SPATA18: variants seen among roughly 807,000 people sequenced by gnomAD.
The protein encoded by SPATA18 is mitochondria-eating protein.
A neutral mutation model predicts 68.1 loss-of-function variants in SPATA18; 54 were observed. The observed-to-expected ratio is 0.79, with a 90% CI of 0.64 to 0.99. The LOEUF is 0.99. Ranked by LOEUF, SPATA18 falls within the 50% of genes least tolerant of loss-of-function variation. The pLI, the probability that SPATA18 is intolerant of heterozygous loss-of-function variation, is 0.00. For missense variants in SPATA18, 724 were observed against 681.1 expected (o/e 1.06, Z -0.70); for synonymous variants, 242 against 244.8 (o/e 0.99, Z 0.11).
At chr4:52,066,378 C>T (rs1237465622) in intron 4 of SPATA18, among the ~76,000 whole-genome samples, 1 of 152,150 alleles carries the variant, frequency 6.6e-6, no homozygotes, top group African/African-American at 2.4e-5. Context: ...TCTCGATCTC[C>T]TGACCTCATG....
chr4:52,058,331 G>GA lies in SPATA18; in HGVS notation c.88-2082dup, dbSNP rs370498406. Among the ~76,000 whole-genome samples the GA allele has an allele frequency of 4.9e-3, 750 of 151,644 alleles. 2 individuals carry two copies. The highest frequency in any genetic ancestry group is 0.017 in the Middle Eastern group (5 of 290). On this transcript the variant is annotated intron_variant, in intron 1 of 12. Transcript: ENST00000295213. ...GGAGAGATTAGATGGATGAGATGGA[G>GA]AAAAAATGGCTGCAGGAGAAATCAA...
intron 11 of SPATA18, among the ~76,000 whole-genome samples, chr4:52,092,260 GA>G (rs797000578): frequency 9.1e-4 from 130 of 142,510 alleles, no homozygotes; most frequent in Admixed American, 9.8e-4. Context: ...GGATATGGGA[GA>G]AAAAAAAAAA....
rs568658762 is a variant in SPATA18 at position 52,063,876 on chromosome 4, G to A, written c.422+1544G>A. Among the ~76,000 whole-genome samples, 219 of 152,120 alleles carry A rather than the reference G, an allele frequency of 1.4e-3. 1 individual carries two copies. Among genetic ancestry groups the A allele is most frequent in the Non-Finnish European group, 2.7e-3 (183 of 68,014 alleles). ...GTATCCTGGGACATTAGCTAGCAAC[G>A]GCTGCAGATGACCCTCCATTTTCCT... On this transcript the variant is annotated intron_variant, in intron 4 of 12. Coordinates refer to ENST00000295213, the MANE Select transcript of SPATA18 (RefSeq NM_145263.4).
At chr4:52,088,318 A>C (rs1015457237) in intron 11 of SPATA18, among the ~76,000 whole-genome samples, 1 of 152,052 alleles carries the variant, frequency 6.6e-6, no homozygotes, top group Middle Eastern at 3.2e-3. Context: ...GTTGAATAGG[A>C]GTGGTGAGAG....
chr4:52,077,180 CT>C, intron 7 of SPATA18, 140 bp downstream of exon 7: 1 of 899,778 alleles, frequency 1.1e-6, no homozygotes. Context: ...CATCTGTCTC[CT>C]TCCTTCTCTT....
chr4:52,082,321 T>C, intron 9 of SPATA18, 66 bp from the exon 10 acceptor site: 1 of 1,421,840 alleles, frequency 7.0e-7, no homozygotes, highest in East Asian at 2.3e-5. Flanking sequence ...TTCACACTGA[T>C]GTTTTCCCCT....
At chr4:52,069,004 C>T (rs1739567590) in intron 4 of SPATA18, among the ~76,000 whole-genome samples, 1 of 152,138 alleles carries the variant, frequency 6.6e-6, no homozygotes, top group Admixed American at 6.5e-5. Flanking sequence ...GCTGAGACTA[C>T]AGGCACACAC....
chr4:52,051,637 G>C lies in SPATA18; in HGVS notation c.-68G>C. 1.4e-6 allele frequency: 2 copies of C among 1,470,146 alleles called. No homozygotes were observed. The highest frequency in any genetic ancestry group is 1.9e-6 in the Non-Finnish European group (2 of 1,049,130). 91.1% of individuals were successfully genotyped at this position (1,470,146 alleles called of 1,614,324 possible). ...TCCCGCCATATCACCCCACGGTCCT[G>C]CGGAGGCCACCGCCTGGTCCCCCCA... On this transcript the variant is annotated 5_prime_UTR_variant, in exon 1 of 13. Transcript: ENST00000295213.
At position 52,069,829 on chromosome 4, in the gene SPATA18, A is replaced by G. The variant is rs1739641987; in HGVS notation, c.431A>G (p.Glu144Gly). The change falls in exon 5 of 13, where the codon GAA becomes GGA. Residue 144 changes from glutamate (E) to glycine (G), a missense_variant. Coordinates refer to ENST00000295213, the MANE Select transcript of SPATA18 (RefSeq NM_145263.4). ...QCNQVQDDLV[E>G]TEKNLEESKN... is the part of the protein sequence containing the mutation. ...ACTGATTTATCTTACAGTCTGGTTGAAACTGAAAAGAATCTTGAAGAAAGC... is the reference window on the plus strand; with the variant it reads ...ACTGATTTATCTTACAGTCTGGTTGGAACTGAAAAGAATCTTGAAGAAAGC... 3.2e-6 allele frequency: 5 copies of G among 1,575,936 alleles called. No individual in the cohort carries two copies. The East Asian group carries it at 1.1e-4, about 36-fold the overall frequency.
chr4:52,083,272 C>A, intron 10 of SPATA18: 1 of 985,336 alleles, frequency 1.0e-6, no homozygotes. Flanking sequence ...ATGATGCCCA[C>A]AGCTGGCTGA....
At position 52,051,350 on chromosome 4, in the gene SPATA18, G is replaced by A. The variant is rs1283103200; in HGVS notation, c.-355G>A. On this transcript the variant is annotated 5_prime_UTR_variant, in exon 1 of 13. Transcript: ENST00000295213. The stretch of plus-strand genomic sequence containing the variant: ...GCTGTCACCCAGGGCGGGGCGGCGC[G>A]GGCGTTGCCACGACGCGGGCCGCGC... 2.4e-5 allele frequency: 5 copies of A among 210,588 alleles called. No homozygotes were observed. In the East Asian group the frequency reaches 4.9e-4, roughly 21 times the overall value. The allele number at this position is 210,588 out of a possible 1,614,324, so 13.0% of individuals were successfully genotyped here.
chr4:52,064,310 A>G (rs1467033137), intron 4 of SPATA18, among the ~76,000 whole-genome samples: 1 of 152,022 alleles, frequency 6.6e-6, no homozygotes, highest in Non-Finnish European at 1.5e-5. Context: ...TTTGGAGAAC[A>G]AGTGGTATTT....
Position 52,095,083 on chromosome 4 carries a change from T to C in SPATA18, c.*196T>C. On this transcript the variant is annotated 3_prime_UTR_variant, in exon 13 of 13. Transcript: ENST00000295213. ...TTTAGATATATTGCATTCTATTTTA[T>C]TTTATAGATACTAATTCCATTAATT... 1.7e-6 allele frequency: 1 copy of C among 605,960 alleles called. No individual in the cohort carries two copies. The highest frequency in any genetic ancestry group is 2.9e-6 in the Non-Finnish European group (1 of 345,560). The allele number at this position is 605,960 out of a possible 1,614,324, so 37.5% of individuals were successfully genotyped here. A position where few individuals can be genotyped will look rare whatever the true frequency, so the allele number is the denominator to read the frequency against.
chr4:52,051,552 A>T lies in SPATA18; in HGVS notation c.-153A>T, dbSNP rs1737869483. ...GGCTTCCCGAACCCGGCCAGGTCCG[A>T]CCCGAGGGGGAGGATGGAAACACCT... is the stretch of plus-strand genomic sequence containing the variant. On this transcript the variant is annotated 5_prime_UTR_variant, in exon 1 of 13. Coordinates refer to ENST00000295213, the MANE Select transcript of SPATA18 (RefSeq NM_145263.4). The T allele has an allele frequency of 2.7e-6, 2 of 749,622 alleles. No homozygotes were observed. Among genetic ancestry groups the T allele is most frequent in the Non-Finnish European group, 4.5e-6 (2 of 439,658 alleles). 46.4% of individuals were successfully genotyped at this position (749,622 alleles called of 1,614,324 possible). A position where few individuals can be genotyped will look rare whatever the true frequency, so the allele number is the denominator to read the frequency against.
In SPATA18 at chr4:52,051,596, C is replaced by G. The variant is rs977534867; in HGVS notation, c.-109C>G. ...AACACCTGCCGCGCTCTGAGCCCCC[C>G]AGAAGAGAACACCCTTCCCGCCATA... is the stretch of plus-strand genomic sequence containing the variant. On this transcript the variant is annotated 5_prime_UTR_variant, in exon 1 of 13. Transcript: ENST00000295213. 2.8e-6 allele frequency: 3 copies of G among 1,055,904 alleles called. No individual in the cohort carries two copies. The highest frequency in any genetic ancestry group is 3.1e-5 in the African/African-American group (2 of 64,084). The allele number at this position is 1,055,904 out of a possible 1,614,324, so 65.4% of individuals were successfully genotyped here.
At chr4:52,078,521 T>C in intron 7 of SPATA18, 3 of 417,540 alleles carry the variant, frequency 7.2e-6, no homozygotes, top group East Asian at 3.6e-5. Flanking sequence ...TAGTCAACTG[T>C]CTTGATGTTA....
intron 11 of SPATA18, among the ~76,000 whole-genome samples, chr4:52,087,104 T>C (rs1741503577): frequency 6.6e-6 from 1 of 152,232 alleles, no homozygotes; most frequent in Non-Finnish European, 1.5e-5. Flanking sequence ...GCCCACTTTT[T>C]GATGGGGTTG....
intron 11 of SPATA18, among the ~76,000 whole-genome samples, chr4:52,086,314 T>C (rs1332148575): frequency 6.6e-6 from 1 of 152,132 alleles, no homozygotes; most frequent in Non-Finnish European, 1.5e-5. Context: ...GAACATGCAG[T>C]TTTGTTACAT....
chr4:52,078,696 T>G, intron 7 of SPATA18, 39 bp from the exon 8 acceptor site: 1 of 1,487,928 alleles, frequency 6.7e-7, no homozygotes. Flanking sequence ...TTCACCTACC[T>G]CTTTTCACCA....
Sources: allele counts gnomAD v4.1 joint callset (sites outside exome capture counted in the v4.1 genomes callset), GRCh38; gene constraint gnomAD v4.1.1; transcripts MANE v1.5; gene names NCBI Gene and HGNC (gene_info 2026-07-23, HGNC 2026-07-21).